The following ZNF891 variants were observed in gnomAD, a reference collection of about 807,000 sequenced individuals.
ZNF891 encodes the protein hCG1646157.
For missense variants in ZNF891, 589 were observed against 632.7 expected (o/e 0.93, Z 0.74); for synonymous variants, 199 against 209.0 (o/e 0.95, Z 0.41).
chr12:133,105,334 CTGTT>C lies in ZNF891; in HGVS notation c.*14946_*14949del, dbSNP rs1324488966. ...TCTTTATTTACCTATATGTCTATCT[CTGTT>C]TGATCTTTTCTGAAGTTCTGGGCAT... On this transcript the variant is annotated 3_prime_UTR_variant, in exon 2 of 2. Coordinates refer to ENST00000537226, the MANE Select transcript of ZNF891 (RefSeq NM_001277291.2). 1.2e-4 allele frequency among the ~76,000 whole-genome samples: 18 copies of C among 152,264 alleles called. No homozygotes were observed. The South Asian group carries it at 2.1e-3, about 18-fold the overall frequency.
rs962974489 is a variant in ZNF891, at chr12:133,126,180, G to A, written c.-107+4047C>T. 2.0e-5 allele frequency among the ~76,000 whole-genome samples: 3 copies of A among 151,922 alleles called. No individual in the cohort carries two copies. The East Asian group carries it at 5.8e-4, about 29-fold the overall frequency. On this transcript the variant is annotated intron_variant, in intron 1 of 1. Coordinates refer to ENST00000537226, the MANE Select transcript of ZNF891 (RefSeq NM_001277291.2). ...TATAATTTAAAAACTCCCCAAAAAG[G>A]TACAAGGGTTAAAAGATAAACTTAG... is the stretch of plus-strand genomic sequence containing the variant.
chr12:133,105,487 A>C lies in ZNF891; in HGVS notation c.*14797T>G. 1 of 1,442,772 alleles carries C rather than the reference A, an allele frequency of 6.9e-7. No individual in the cohort carries two copies. Among genetic ancestry groups the C allele is most frequent in the East Asian group, 2.3e-5 (1 of 44,162 alleles). The allele number at this position is 1,442,772 out of a possible 1,614,324, so 89.4% of individuals were successfully genotyped here. ...TTCAATACAGGAAAAAGAAACATTC[A>C]CTTTTTTTTTGGTATCTTTCAGTTT... On this transcript the variant is annotated 3_prime_UTR_variant, in exon 2 of 2. Coordinates refer to ENST00000537226, the MANE Select transcript of ZNF891 (RefSeq NM_001277291.2).
Position 133,114,544 on chromosome 12 carries a change from G to A in ZNF891, c.*5740C>T, listed in dbSNP as rs1256675016. 1 of 152,158 alleles carries A rather than the reference G, an allele frequency of 6.6e-6. No individual in the cohort carries two copies. Among genetic ancestry groups the A allele is most frequent in the Non-Finnish European group, 1.5e-5 (1 of 68,038 alleles). 9.4% of individuals were successfully genotyped at this position (152,158 alleles called of 1,614,324 possible). ...AAGTAAAAGAAAAGGCACAAAATTT[G>A]CTGAAGAACCGTAAATATTTAACTG... On this transcript the variant is annotated 3_prime_UTR_variant, in exon 2 of 2. Coordinates refer to ENST00000537226, the MANE Select transcript of ZNF891 (RefSeq NM_001277291.2).
Position 133,108,041 on chromosome 12 carries a change from A to T in ZNF891, c.*12243T>A, listed in dbSNP as rs1376403851. On this transcript the variant is annotated 3_prime_UTR_variant, in exon 2 of 2. Transcript: ENST00000537226. ...ACATTATCAGAAGTGTATTTCCTCA[A>T]ACCTGCCATTGGCATGCCATATTGG... 1 of 152,208 alleles carries T rather than the reference A, an allele frequency of 6.6e-6. No individual in the cohort carries two copies. The highest frequency in any genetic ancestry group is 1.5e-5 in the Non-Finnish European group (1 of 68,020). 9.4% of individuals were successfully genotyped at this position (152,208 alleles called of 1,614,324 possible). A position where few individuals can be genotyped will look rare whatever the true frequency, so the allele number is the denominator to read the frequency against.
chr12:133,112,800 T>C lies in ZNF891; in HGVS notation c.*7484A>G, dbSNP rs1018136755. 2.6e-5 allele frequency: 4 copies of C among 152,164 alleles called. No homozygotes were observed. Among genetic ancestry groups the C allele is most frequent in the African/African-American group, 9.7e-5 (4 of 41,426 alleles). The allele number at this position is 152,164 out of a possible 1,614,324, so 9.4% of individuals were successfully genotyped here. A position where few individuals can be genotyped will look rare whatever the true frequency, so the allele number is the denominator to read the frequency against. On this transcript the variant is annotated 3_prime_UTR_variant, in exon 2 of 2. Transcript: ENST00000537226. ...GATAGAAATGGTAAGTTAAAAAATA[T>C]ATTTTCCCCAGCACTTTGGGAGGCC...
In ZNF891 at chr12:133,108,647, A is replaced by G. The variant is rs1171070112; in HGVS notation, c.*11637T>C. The G allele has an allele frequency of 1.3e-5, 2 of 152,288 alleles. No individual in the cohort carries two copies. Among genetic ancestry groups the G allele is most frequent in the Non-Finnish European group, 2.9e-5 (2 of 68,030 alleles). The allele number at this position is 152,288 out of a possible 1,614,324, so 9.4% of individuals were successfully genotyped here. A position where few individuals can be genotyped will look rare whatever the true frequency, so the allele number is the denominator to read the frequency against. On this transcript the variant is annotated 3_prime_UTR_variant, in exon 2 of 2. Coordinates refer to ENST00000537226, the MANE Select transcript of ZNF891 (RefSeq NM_001277291.2). ...ACTTGGCCAACCCCTGACTACATCAAATCTTTGCCCTCTAGTTTTTGTTGA... is the reference window on the plus strand; with the variant it reads ...ACTTGGCCAACCCCTGACTACATCAGATCTTTGCCCTCTAGTTTTTGTTGA...
Position 133,121,172 on chromosome 12 carries a change from T to C in ZNF891, c.747A>G (p.Glu249=), listed in dbSNP as rs1182261877. 6.5e-7 allele frequency: 1 copy of C among 1,535,500 alleles called. No homozygotes were observed. Among genetic ancestry groups the C allele is most frequent in the Non-Finnish European group, 8.7e-7 (1 of 1,146,798 alleles). ...SISEKLYESH[E]CDTTLWHFQR... is the part of the protein sequence containing the mutation. ...GAAAATGCCATAGAGTTGTATCACATTCATGACTTTCATAGAGCTTCTCAC... is the reference window on the plus strand; with the variant it reads ...GAAAATGCCATAGAGTTGTATCACACTCATGACTTTCATAGAGCTTCTCAC... Residue 249 remains glutamate, a synonymous_variant, in exon 2 of 2, where the codon GAA becomes GAG. Transcript: ENST00000537226.
Position 133,121,788 on chromosome 12 carries a change from G to GT in ZNF891, c.130dup (p.Thr44AsnfsTer34). 6.5e-7 allele frequency: 1 copy of GT among 1,536,856 alleles called. No individual in the cohort carries two copies. Among genetic ancestry groups the GT allele is most frequent in the South Asian group, 1.2e-5 (1 of 84,062 alleles). On this transcript the variant is annotated frameshift_variant, in exon 2 of 2. Transcript: ENST00000537226. LOFTEE classifies it low-confidence loss of function (END_TRUNC). ...GAACTCCACAGCTACATCTTTGAAA[G>GT]TCATTGGTTCCTGTAACCAGGTTGT...
rs1213925461 is a variant in ZNF891, at chr12:133,113,118, A to G, written c.*7166T>C. On this transcript the variant is annotated 3_prime_UTR_variant, in exon 2 of 2. Transcript: ENST00000537226. ...TTAAAAATATATTTATAAAATATAA[A>G]AAAATATATTTTTCAATTTTTTTAA... 1 of 148,282 alleles carries G rather than the reference A, an allele frequency of 6.7e-6. No homozygotes were observed. The highest frequency in any genetic ancestry group is 1.9e-4 in the East Asian group (1 of 5,162). The allele number at this position is 148,282 out of a possible 1,614,324, so 9.2% of individuals were successfully genotyped here. A position where few individuals can be genotyped will look rare whatever the true frequency, so the allele number is the denominator to read the frequency against.
rs2137609671 is a variant in ZNF891, at chr12:133,112,118, C to G, written c.*8166G>C. ...GGTTTCACATACTCTTCTCCTTACC[C>G]CTTTGCCTAACAGTTTTCCATTTAC... On this transcript the variant is annotated 3_prime_UTR_variant, in exon 2 of 2. Coordinates refer to ENST00000537226, the MANE Select transcript of ZNF891 (RefSeq NM_001277291.2). 1 of 152,320 alleles carries G rather than the reference C, an allele frequency of 6.6e-6. No homozygotes were observed. The highest frequency in any genetic ancestry group is 6.5e-5 in the Admixed American group (1 of 15,294). 9.4% of individuals were successfully genotyped at this position (152,320 alleles called of 1,614,324 possible). A position where few individuals can be genotyped will look rare whatever the true frequency, so the allele number is the denominator to read the frequency against.
At position 133,121,193 on chromosome 12, in the gene ZNF891, C is replaced by G. The variant is rs1172410070; in HGVS notation, c.726G>C (p.Glu242Asp). ...CACATTCATGACTTTCATAGAGCTT[C>G]TCACTTATAGAGTTTTTCACATAAT... ...INNYVKNSIS[E>D]KLYESHECDT... Residue 242 changes from glutamate to aspartate, a missense_variant, in exon 2 of 2, where the codon GAG becomes GAC. Transcript: ENST00000537226. The G allele has an allele frequency of 2.0e-6, 3 of 1,535,390 alleles. No individual in the cohort carries two copies. The highest frequency in any genetic ancestry group is 2.6e-6 in the Non-Finnish European group (3 of 1,146,830).
chr12:133,121,147 G>GA lies in ZNF891; in HGVS notation c.771dup (p.Gln258SerfsTer14). On this transcript the variant is annotated frameshift_variant, in exon 2 of 2. Transcript: ENST00000537226. LOFTEE classifies it low-confidence loss of function (END_TRUNC). ...TCTTTTTGTACTGTTTGATTTCTCT[G>GA]AAAATGCCATAGAGTTGTATCACAT... is the stretch of plus-strand genomic sequence containing the variant. The GA allele has an allele frequency of 6.5e-7, 1 of 1,535,222 alleles. No homozygotes were observed. Among genetic ancestry groups the GA allele is most frequent in the Non-Finnish European group, 8.7e-7 (1 of 1,146,654 alleles).
rs1955659750 is a variant in ZNF891 at position 133,108,896 on chromosome 12, T to C, written c.*11388A>G. ...GTGGGAAAACTACCATTGTAATAAG[T>C]GTAGCAAAATCTTCTTAGATATCTG... is the stretch of plus-strand genomic sequence containing the variant. On this transcript the variant is annotated 3_prime_UTR_variant, in exon 2 of 2. Coordinates refer to ENST00000537226, the MANE Select transcript of ZNF891 (RefSeq NM_001277291.2). 1.3e-5 allele frequency: 2 copies of C among 152,232 alleles called. No individual in the cohort carries two copies. The highest frequency in any genetic ancestry group is 6.5e-5 in the Admixed American group (1 of 15,276). The allele number at this position is 152,232 out of a possible 1,614,324, so 9.4% of individuals were successfully genotyped here.
At position 133,118,471 on chromosome 12, in the gene ZNF891, C is replaced by G. The variant is rs1368242018; in HGVS notation, c.*1813G>C. 1 of 152,158 alleles carries G rather than the reference C, an allele frequency of 6.6e-6. No homozygotes were observed. The highest frequency in any genetic ancestry group is 1.5e-5 in the Non-Finnish European group (1 of 68,030). The allele number at this position is 152,158 out of a possible 1,614,324, so 9.4% of individuals were successfully genotyped here. On this transcript the variant is annotated 3_prime_UTR_variant, in exon 2 of 2. Transcript: ENST00000537226. ...ACCTCCTCAATTCTAGAATTGCGTA[C>G]CAACCTCTTCATCTGGATGTCTCAC...
In ZNF891 at chr12:133,121,519, G is replaced by T. The variant is rs745552013; in HGVS notation, c.400C>A (p.Pro134Thr). ...TTTATCATTTTCACTGCATTGGATG[G>T]TTCCTCCCACAAAATTTTCTGCACA... ...STVQKILWEEPSNAVKMIKLT... is the reference protein window; with the variant it reads ...STVQKILWEETSNAVKMIKLT... Residue 134 changes from proline (P) to threonine (T), a missense_variant, in exon 2 of 2, where the codon CCA (proline) becomes ACA (threonine). Transcript: ENST00000537226. 3.9e-6 allele frequency: 6 copies of T among 1,536,110 alleles called. No homozygotes were observed.
Position 133,120,840 on chromosome 12 carries a change from G to A in ZNF891, c.1079C>T (p.Ser360Phe), listed in dbSNP as rs759984099. 1 of 1,554,256 alleles carries A rather than the reference G, an allele frequency of 6.4e-7. No individual in the cohort carries two copies. Among genetic ancestry groups the A allele is most frequent in the Non-Finnish European group, 8.7e-7 (1 of 1,151,592 alleles). The change falls in exon 2 of 2, where the codon TCC becomes TTC. Residue 360 changes from serine (S) to phenylalanine (F), a missense_variant. Transcript: ENST00000537226. ...CKECGKVFNDSSTLRRHVRTH... is the reference protein window; with the variant it reads ...CKECGKVFNDFSTLRRHVRTH... ...TCTTACATGTCTCCTTAAGGTTGAGGAATCATTGAACACTTTACCACATTC... is the reference window on the plus strand; with the variant it reads ...TCTTACATGTCTCCTTAAGGTTGAGAAATCATTGAACACTTTACCACATTC...
In ZNF891 at chr12:133,110,560, T is replaced by G. The variant is rs1191463396; in HGVS notation, c.*9724A>C. The G allele has an allele frequency of 6.6e-6, 1 of 152,200 alleles. No homozygotes were observed. The allele number at this position is 152,200 out of a possible 1,614,324, so 9.4% of individuals were successfully genotyped here. ...CTTGGAAAGCAACAATCAAATGCTT[T>G]GGGAGACTTAAGATACTCACAAATA... On this transcript the variant is annotated 3_prime_UTR_variant, in exon 2 of 2. Coordinates refer to ENST00000537226, the MANE Select transcript of ZNF891 (RefSeq NM_001277291.2).
At position 133,106,165 on chromosome 12, in the gene ZNF891, T is replaced by C; in HGVS notation, c.*14119A>G. On this transcript the variant is annotated 3_prime_UTR_variant, in exon 2 of 2. Coordinates refer to ENST00000537226, the MANE Select transcript of ZNF891 (RefSeq NM_001277291.2). ...TCATTCGCCACCAGATTACACATAC[T>C]GGAGAGAAACCTTATGAATGCATTG... The C allele has an allele frequency of 6.2e-7, 1 of 1,614,206 alleles. No individual in the cohort carries two copies. Among genetic ancestry groups the C allele is most frequent in the Non-Finnish European group, 8.5e-7 (1 of 1,180,034 alleles).
rs1223175855 is a variant in ZNF891, at chr12:133,106,067, CAA to C, written c.*14215_*14216del. 6.2e-7 allele frequency: 1 copy of C among 1,613,940 alleles called. No individual in the cohort carries two copies. Among genetic ancestry groups the C allele is most frequent in the Non-Finnish European group, 8.5e-7 (1 of 1,180,010 alleles). On this transcript the variant is annotated 3_prime_UTR_variant, in exon 2 of 2. Coordinates refer to ENST00000537226, the MANE Select transcript of ZNF891 (RefSeq NM_001277291.2). ...CCGTGCCTCCAACCTCACTCGACAT[CAA>C]AGAATTCACATAGGAAAGAAACAAT...
Sources: allele counts gnomAD v4.1 joint callset (sites outside exome capture counted in the v4.1 genomes callset), GRCh38; gene constraint gnomAD v4.1.1; transcripts MANE v1.5; gene names NCBI Gene and HGNC (gene_info 2026-07-23, HGNC 2026-07-21).